Variants in PLPPR1 observed in about 807,000 individuals in gnomAD.
The protein encoded by PLPPR1 is phospholipid phosphatase related 1.
A neutral mutation model predicts 33.1 loss-of-function variants in PLPPR1; 10 were observed. The observed-to-expected ratio is 0.30, with a 90% CI of 0.19 to 0.51. PLPPR1 has a LOEUF of 0.51. Among genes scored for constraint, PLPPR1 ranks in the 20% least tolerant of loss-of-function variants. PLPPR1 has a pLI of 0.97. For missense variants in PLPPR1, 304 were observed against 408.1 expected (o/e 0.74, Z 2.20); for synonymous variants, 151 against 151.0 (o/e 1.00, Z 0.00).
At chr9:101,282,681 T>C (rs1828325429) in intron 3 of PLPPR1, among the ~76,000 whole-genome samples, 1 of 152,178 alleles carries the variant, frequency 6.6e-6, no homozygotes, top group Non-Finnish European at 1.5e-5. Flanking sequence ...TGAAAACTGT[T>C]AGAATAAACT....
intron 1 of PLPPR1, among the ~76,000 whole-genome samples, chr9:101,108,388 T>C (rs971609578): frequency 6.6e-6 from 1 of 152,236 alleles, no homozygotes; most frequent in African/African-American, 2.4e-5. Flanking sequence ...TGGTACCCAG[T>C]AGGTGCTCAA....
intron 1 of PLPPR1, among the ~76,000 whole-genome samples, chr9:101,150,285 A>G (rs948029865): frequency 6.6e-6 from 1 of 152,058 alleles, no homozygotes; most frequent in Non-Finnish European, 1.5e-5. Context: ...TTTCTGTTAA[A>G]TGATCTTAAT....
At chr9:101,245,793 C>T (rs969442399) in intron 2 of PLPPR1, among the ~76,000 whole-genome samples, 1 of 151,594 alleles carries the variant, frequency 6.6e-6, no homozygotes, top group African/African-American at 2.4e-5. Flanking sequence ...AATCTTTAGT[C>T]CCATGAGCCA....
chr9:101,307,856 A>G (rs1828882867), intron 4 of PLPPR1, among the ~76,000 whole-genome samples: 1 of 152,166 alleles, frequency 6.6e-6, no homozygotes, highest in African/African-American at 2.4e-5. Flanking sequence ...GTCAACTTCT[A>G]CCTTCAATTG....
intron 1 of PLPPR1, among the ~76,000 whole-genome samples, chr9:101,061,587 A>G (rs1269576756): frequency 2.0e-5 from 3 of 151,948 alleles, no homozygotes; most frequent in African/African-American, 7.2e-5. Flanking sequence ...GTGCAATTAC[A>G]TTTGCACCAA....
At chr9:101,231,763 C>A (rs192489154) in intron 2 of PLPPR1, among the ~76,000 whole-genome samples, 200 of 152,008 alleles carry the variant, frequency 1.3e-3, no homozygotes, top group African/African-American at 4.6e-3. Context: ...TTTTAGTGAA[C>A]TTTGCTCATT....
intron 1 of PLPPR1, among the ~76,000 whole-genome samples, chr9:101,107,944 G>A (rs979150330): frequency 3.3e-5 from 5 of 150,716 alleles, no homozygotes; most frequent in South Asian, 2.1e-4. Context: ...TCTTTGACTC[G>A]GAAAGGGAAC....
intron 5 of PLPPR1, among the ~76,000 whole-genome samples, chr9:101,311,600 T>C (rs1342627993): frequency 6.6e-6 from 1 of 152,222 alleles, no homozygotes; most frequent in African/African-American, 2.4e-5. Context: ...AATAGTGTAA[T>C]AATATGCTGT....
chr9:101,054,902 C>T (rs982608414), intron 1 of PLPPR1, among the ~76,000 whole-genome samples: 1 of 152,174 alleles, frequency 6.6e-6, no homozygotes, highest in Non-Finnish European at 1.5e-5. Context: ...GGAGAGCCCC[C>T]GGCCCTGCTG....
At chr9:101,056,633 G>A (rs1830281597) in intron 1 of PLPPR1, among the ~76,000 whole-genome samples, 1 of 152,176 alleles carries the variant, frequency 6.6e-6, no homozygotes, top group Non-Finnish European at 1.5e-5. Flanking sequence ...CAAGATGAGA[G>A]TGAAATCATC....
intron 1 of PLPPR1, among the ~76,000 whole-genome samples, chr9:101,099,109 G>C (rs890152322): frequency 1.3e-5 from 2 of 151,624 alleles, no homozygotes; most frequent in Admixed American, 6.6e-5. Context: ...GTGTGTCGGG[G>C]GGAGGCGGGG....
At chr9:101,058,862 T>C (rs1830309533) in intron 1 of PLPPR1, among the ~76,000 whole-genome samples, 1 of 152,134 alleles carries the variant, frequency 6.6e-6, no homozygotes, top group African/African-American at 2.4e-5. Context: ...AAATGAGTAT[T>C]GGTGTTATTT....
chr9:101,291,505 C>G (rs1322972561), intron 4 of PLPPR1, among the ~76,000 whole-genome samples: 3 of 152,174 alleles, frequency 2.0e-5, no homozygotes, highest in Non-Finnish European at 2.9e-5. Context: ...GTCCCTGACC[C>G]CTGACCCCCG....
chr9:101,109,509 T>C lies in PLPPR1; in HGVS notation c.-45-75941T>C, dbSNP rs1588032119. Among the ~76,000 whole-genome samples, 4 of 152,324 alleles carry C rather than the reference T, an allele frequency of 2.6e-5. No individual in the cohort carries two copies. The South Asian group carries it at 8.3e-4, about 32-fold the overall frequency. On this transcript the variant is annotated intron_variant, in intron 1 of 7. Transcript: ENST00000374874. ...CTTATAAAGCCAGTGCTATGCCATA[T>C]ACTTCTGGCTTATAGCACAATCATA... is the stretch of plus-strand genomic sequence containing the variant.
intron 1 of PLPPR1, among the ~76,000 whole-genome samples, chr9:101,167,827 G>A (rs779472627): frequency 6.6e-6 from 1 of 152,114 alleles, no homozygotes; most frequent in Non-Finnish European, 1.5e-5. Flanking sequence ...GTATTAGTCT[G>A]TTCTCACACT....
chr9:101,104,593 A>G (rs1224933912), intron 1 of PLPPR1, among the ~76,000 whole-genome samples: 27 of 128,628 alleles, frequency 2.1e-4, no homozygotes, highest in African/African-American at 8.6e-4. Flanking sequence ...CATCAAGGAT[A>G]TTGGTCTAAA....
At chr9:101,221,356 C>T (rs964060239) in intron 2 of PLPPR1, among the ~76,000 whole-genome samples, 1 of 152,104 alleles carries the variant, frequency 6.6e-6, no homozygotes, top group African/African-American at 2.4e-5. Context: ...AGGGACAGCC[C>T]ATTAGTCAGT....
intron 2 of PLPPR1, among the ~76,000 whole-genome samples, chr9:101,257,260 A>G (rs914567189): frequency 3.9e-5 from 6 of 152,102 alleles, no homozygotes; most frequent in Admixed American, 1.3e-4. Flanking sequence ...CAGAGCACTT[A>G]TTACTATCTT....
At chr9:101,242,811 AC>A (rs1173524535) in intron 2 of PLPPR1, among the ~76,000 whole-genome samples, 3 of 152,086 alleles carry the variant, frequency 2.0e-5, no homozygotes, top group Admixed American at 6.6e-5. Context: ...TACTGAGGCT[AC>A]AATGATAACT....
Sources: gnomAD v4.1 joint callset for allele counts (sites outside exome capture counted in the v4.1 genomes callset) on GRCh38, gnomAD v4.1.1 for gene constraint, MANE v1.5 for transcripts, NCBI Gene and HGNC (gene_info 2026-07-23, HGNC 2026-07-21) for gene names.